ZNRF2: variants seen among roughly 807,000 people sequenced by gnomAD.
ZNRF2 encodes the protein zinc and ring finger 2, also known as E3 ubiquitin-protein ligase ZNRF2.
Under a neutral mutation model 20.4 loss-of-function variants are expected in ZNRF2, and 16 were observed. The ratio of observed to expected loss-of-function variants is 0.79; its 90% CI spans 0.53 to 1.19. The LOEUF is 1.19. Ranked by LOEUF, ZNRF2 falls within the 50% of genes most tolerant of loss-of-function variation. ZNRF2 has a pLI of 0.00. For missense variants in ZNRF2, 363 were observed against 332.4 expected (o/e 1.09, Z -0.72); for synonymous variants, 178 against 144.9 (o/e 1.23, Z -1.64).
chr7:30,355,040 C>G (rs551421022), intron 2 of ZNRF2, among the ~76,000 whole-genome samples: 8 of 152,116 alleles, frequency 5.3e-5, no homozygotes, highest in Non-Finnish European at 1.0e-4. Context: ...TTTAAGCACA[C>G]CATAGAGTTT....
intron 2 of ZNRF2, among the ~76,000 whole-genome samples, chr7:30,331,192 GTC>G (rs1286866051): frequency 1.3e-5 from 2 of 152,118 alleles, no homozygotes; most frequent in African/African-American, 4.8e-5. Context: ...CTAACATACA[GTC>G]TCTATTAACG....
chr7:30,298,457 C>G (rs191193366), intron 1 of ZNRF2, among the ~76,000 whole-genome samples: 78 of 152,266 alleles, frequency 5.1e-4, no homozygotes, highest in African/African-American at 1.9e-3. Context: ...CTGTCTGGGC[C>G]ATTTTCTTAG....
At chr7:30,315,731 G>GGA (rs1799360768) in intron 1 of ZNRF2, among the ~76,000 whole-genome samples, 1 of 104,674 alleles carries the variant, frequency 9.6e-6, no homozygotes, top group Non-Finnish European at 2.0e-5. Context: ...GTGGGGCGGG[G>GGA]GGGGGGGGGT....
At chr7:30,296,150 T>C (rs1799016638) in intron 1 of ZNRF2, among the ~76,000 whole-genome samples, 2 of 152,248 alleles carry the variant, frequency 1.3e-5, no homozygotes, top group Admixed American at 1.3e-4. Flanking sequence ...TTAAATTATA[T>C]ATAGAAATGT....
chr7:30,324,536 G>C (rs1304781796), intron 2 of ZNRF2, among the ~76,000 whole-genome samples: 1 of 148,346 alleles, frequency 6.7e-6, no homozygotes, highest in Admixed American at 6.7e-5. Flanking sequence ...GAGACAGAGT[G>C]AGACTCTGTC....
intron 2 of ZNRF2, among the ~76,000 whole-genome samples, chr7:30,333,069 T>C (rs79398985): frequency 1.3e-5 from 2 of 151,654 alleles, no homozygotes; most frequent in Admixed American, 1.3e-4. Context: ...TTTTTTTTTT[T>C]TTGAGATGGA....
chr7:30,329,502 A>G (rs576660511), intron 2 of ZNRF2, among the ~76,000 whole-genome samples: 1 of 152,046 alleles, frequency 6.6e-6, no homozygotes, highest in East Asian at 1.9e-4. Flanking sequence ...CCATGAGATC[A>G]GTTTTGTTTT....
Position 30,307,342 on chromosome 7 carries a change from T to G in ZNRF2, c.470-16300T>G, listed in dbSNP as rs1317707046. Among the ~76,000 whole-genome samples, 77 of 143,922 alleles carry G rather than the reference T, an allele frequency of 5.4e-4. 1 individual carries two copies. Among genetic ancestry groups the G allele is most frequent in the African/African-American group, 1.4e-3 (55 of 39,462 alleles). The allele number at this position is 143,922 out of a possible 152,430, so 94.4% of individuals were successfully genotyped here. A position where few individuals can be genotyped will look rare whatever the true frequency, so the allele number is the denominator to read the frequency against. On this transcript the variant is annotated intron_variant, in intron 1 of 4. Coordinates refer to ENST00000323037, the MANE Select transcript of ZNRF2 (RefSeq NM_147128.4). ...TTTTTTTTTGTTTTTTTTTTTTTTT[T>G]TTTTTTTTGGCTGGGGGTGGAGGGG...
chr7:30,308,556 C>T (rs1404600737), intron 1 of ZNRF2, among the ~76,000 whole-genome samples: 7 of 152,154 alleles, frequency 4.6e-5, no homozygotes, highest in Non-Finnish European at 1.5e-5. Context: ...AAGCTCTCCA[C>T]ATGAATGACT....
intron 1 of ZNRF2, among the ~76,000 whole-genome samples, chr7:30,311,611 T>C (rs1157563101): frequency 2.0e-5 from 3 of 152,300 alleles, no homozygotes; most frequent in Admixed American, 6.5e-5. Context: ...TCTAGGGTAG[T>C]TGTAGGAAAC....
At chr7:30,326,834 C>T (rs1021074345) in intron 2 of ZNRF2, among the ~76,000 whole-genome samples, 4 of 151,966 alleles carry the variant, frequency 2.6e-5, no homozygotes, top group Admixed American at 6.6e-5. Flanking sequence ...CGCATTCTGA[C>T]GCTTGAAATG....
intron 1 of ZNRF2, among the ~76,000 whole-genome samples, chr7:30,316,018 G>T (rs1276861469): frequency 6.6e-6 from 1 of 152,034 alleles, no homozygotes; most frequent in Non-Finnish European, 1.5e-5. Flanking sequence ...ACTAGGCGCT[G>T]TGGCTCACAC....
chr7:30,318,815 G>T (rs905255654), intron 1 of ZNRF2, among the ~76,000 whole-genome samples: 1 of 152,160 alleles, frequency 6.6e-6, no homozygotes, highest in Admixed American at 6.6e-5. Flanking sequence ...TATTATTAAA[G>T]AATGTCATTA....
At chr7:30,306,628 A>C (rs950070209) in intron 1 of ZNRF2, among the ~76,000 whole-genome samples, 6 of 152,166 alleles carry the variant, frequency 3.9e-5, no homozygotes, top group African/African-American at 1.4e-4. Context: ...ATAAACATAG[A>C]TAATTTTCCT....
Position 30,366,027 on chromosome 7 carries a change from T to C in ZNRF2, c.*23-8T>C, listed in dbSNP as rs539079915. The C allele has an allele frequency of 1.3e-5, 2 of 152,362 alleles. No homozygotes were observed. Among genetic ancestry groups the C allele is most frequent in the East Asian group, 3.9e-4 (2 of 5,190 alleles). 9.4% of individuals were successfully genotyped at this position (152,362 alleles called of 1,614,324 possible). On this transcript the variant is annotated splice_region_variant and splice_polypyrimidine_tract_variant and intron_variant, in intron 4 of 4. Transcript: ENST00000323037. ...GCAATGTTCATGGGGAAATCTATTT[T>C]TACACAGGTTTTCTTGTCTTGACAA...
intron 1 of ZNRF2, among the ~76,000 whole-genome samples, chr7:30,316,207 G>A (rs1799371325): frequency 7.5e-6 from 1 of 133,418 alleles, no homozygotes; most frequent in Non-Finnish European, 1.6e-5. Context: ...AGAACTGCTT[G>A]AACCTGGGAA....
At chr7:30,301,443 A>T (rs1799112531) in intron 1 of ZNRF2, among the ~76,000 whole-genome samples, 1 of 152,184 alleles carries the variant, frequency 6.6e-6, no homozygotes, top group Non-Finnish European at 1.5e-5. Flanking sequence ...AGATCACGCC[A>T]CTGCACTCCA....
At position 30,360,584 on chromosome 7, in the gene ZNRF2, C is replaced by G. The variant is rs1242359005; in HGVS notation, c.672-1793C>G. ...GGTGGCGCCTGTAATCCCAGCTACC[C>G]AGGAGGCTGAGGCAGGAGAATTGCT... On this transcript the variant is annotated intron_variant, in intron 3 of 4. Coordinates refer to ENST00000323037, the MANE Select transcript of ZNRF2 (RefSeq NM_147128.4). 2.6e-5 allele frequency among the ~76,000 whole-genome samples: 4 copies of G among 151,884 alleles called. No homozygotes were observed. In the East Asian group the frequency reaches 7.8e-4, roughly 29 times the overall value.
intron 1 of ZNRF2, chr7:30,289,696 T>A: frequency 2.1e-6 from 1 of 487,378 alleles, no homozygotes; most frequent in South Asian, 1.5e-5. Flanking sequence ...CTTTGGGAAT[T>A]TTTTGGAATT....
Sources: gnomAD v4.1 joint callset for allele counts (sites outside exome capture counted in the v4.1 genomes callset) on GRCh38, gnomAD v4.1.1 for gene constraint, MANE v1.5 for transcripts, NCBI Gene and HGNC (gene_info 2026-07-23, HGNC 2026-07-21) for gene names.